The following NID1 variants were observed in gnomAD, a reference collection of about 807,000 sequenced individuals.
NID1 encodes nidogen 1.
Under a neutral mutation model 130.6 loss-of-function variants are expected in NID1, and 76 were observed. The ratio of observed to expected loss-of-function variants is 0.58; its 90% CI spans 0.48 to 0.70. The LOEUF (loss-of-function observed/expected upper bound fraction) is 0.70. Ranked by LOEUF, NID1 falls within the 30% of genes least tolerant of loss-of-function variation. NID1 has a pLI of 0.00. For missense variants in NID1, 1,517 were observed against 1,664.8 expected (o/e 0.91, Z 1.54); for synonymous variants, 665 against 675.1 (o/e 0.98, Z 0.23).
intron 11 of NID1, 61 bp downstream of exon 11, chr1:236,013,350 A>G: frequency 6.3e-7 from 1 of 1,584,196 alleles, no homozygotes; most frequent in Non-Finnish European, 8.6e-7. Context: ...GGCACATGAC[A>G]GGTACCACCT....
At chr1:235,980,757 G>T in intron 16 of NID1, 104 bp from the exon 17 acceptor site, 2 of 1,225,624 alleles carry the variant, frequency 1.6e-6, no homozygotes, top group Non-Finnish European at 2.3e-6. Context: ...GTGATTGGCA[G>T]ACATGAAAAC....
At chr1:236,049,486 GAA>G (rs991648420) in intron 1 of NID1, among the ~76,000 whole-genome samples, 1 of 151,662 alleles carries the variant, frequency 6.6e-6, no homozygotes, top group African/African-American at 2.4e-5. Context: ...TCTCAAAAAA[GAA>G]AAAGAAAGAA....
intron 9 of NID1, 78 bp downstream of exon 9, chr1:236,023,992 T>C (rs1437969498): frequency 5.7e-6 from 9 of 1,572,298 alleles, no homozygotes; most frequent in Non-Finnish European, 6.9e-6. Context: ...CTGCACCCAG[T>C]TCTCTGGTTT....
intron 8 of NID1, among the ~76,000 whole-genome samples, chr1:236,024,490 T>C (rs1035002847): frequency 1.3e-4 from 20 of 152,356 alleles, no homozygotes; most frequent in African/African-American, 4.6e-4. Flanking sequence ...AGCTGACATG[T>C]CGTGATAGAG....
chr1:236,041,800 T>C (rs1659459426), intron 4 of NID1, 110 bp downstream of exon 4: 2 of 1,395,086 alleles, frequency 1.4e-6, no homozygotes, highest in Admixed American at 4.6e-5. Context: ...CAAGCTCTTA[T>C]CTTTACAAAC....
intron 14 of NID1, among the ~76,000 whole-genome samples, chr1:235,987,380 A>G (rs1406407109): frequency 6.6e-6 from 1 of 152,220 alleles, no homozygotes; most frequent in Non-Finnish European, 1.5e-5. Flanking sequence ...TTTTAAAACT[A>G]TAGGAATTCA....
chr1:236,054,452 A>G (rs1371998721), intron 1 of NID1, among the ~76,000 whole-genome samples: 1 of 152,144 alleles, frequency 6.6e-6, no homozygotes, highest in Non-Finnish European at 1.5e-5. Flanking sequence ...GCAAAACTCC[A>G]TCTCAAAACA....
rs762185902 is a variant in NID1 at position 235,981,684 on chromosome 1, C to T, written c.3154G>A (p.Gly1052Ser). ...LDRIEVAKLD[G>S]TQRRVLFETD... ...TCAAAGAGCACCCGGCGCTGCGTGC[C>T]GTCCAGCTTCGCCACTTCTATTCGA... is the stretch of plus-strand genomic sequence containing the variant. Residue 1052 changes from glycine (G) to serine (S), a missense_variant, in exon 16 of 20, where the codon GGC (glycine) becomes AGC (serine). By Grantham distance (56) the Gly-to-Ser change is moderately conservative (BLOSUM62 0). Transcript: ENST00000264187. 8 of 1,614,138 alleles carry T rather than the reference C, an allele frequency of 5.0e-6. No homozygotes were observed. Among genetic ancestry groups the T allele is most frequent in the East Asian group, 2.2e-5 (1 of 44,898 alleles).
intron 8 of NID1, among the ~76,000 whole-genome samples, chr1:236,025,263 CTTT>C (rs750410998): frequency 3.2e-5 from 4 of 123,730 alleles, no homozygotes; most frequent in Admixed American, 8.6e-5. Flanking sequence ...TACAATTTCT[CTTT>C]TTTTTTTTTT....
rs201692355 is a variant in NID1, at chr1:235,979,813, C to A, written c.3509+9G>T. On this transcript the variant is annotated intron_variant, in intron 18 of 19. Transcript: ENST00000264187. This position sits in a 1 kb window ranked among gnomAD's most constrained non-coding sequence, Gnocchi z 4.6. ...GCCCACGCAGCCCCCATGGCTACAG[C>A]TGACGTACATCTTCCAGTCTGTGAA... The A allele has an allele frequency of 1.9e-6, 3 of 1,613,344 alleles. No homozygotes were observed. In the Admixed American group the frequency reaches 5.0e-5, roughly 27 times the overall value.
At chr1:236,030,455 T>G (rs1440609927) in intron 6 of NID1, among the ~76,000 whole-genome samples, 1 of 152,130 alleles carries the variant, frequency 6.6e-6, no homozygotes, top group African/African-American at 2.4e-5. Context: ...GTCTTTACAT[T>G]TTTTAATGGT....
chr1:236,027,356 G>T (rs984597518), intron 7 of NID1, among the ~76,000 whole-genome samples: 3 of 152,256 alleles, frequency 2.0e-5, no homozygotes, highest in African/African-American at 7.2e-5. Flanking sequence ...AGTGTAAGCT[G>T]CCTCCTGTCC....
chr1:236,032,686 C>T (rs1659134610), intron 5 of NID1, 34 bp from the exon 6 acceptor site: 5 of 1,609,044 alleles, frequency 3.1e-6, no homozygotes, highest in Non-Finnish European at 4.2e-6. Context: ...ATATAGAGAT[C>T]ACTTCCAAGC....
At chr1:236,026,866 G>A (rs955929184) in intron 7 of NID1, among the ~76,000 whole-genome samples, 1 of 151,628 alleles carries the variant, frequency 6.6e-6, no homozygotes, top group South Asian at 2.1e-4. Flanking sequence ...AGCCTCCCAA[G>A]TAGCTGGGAC....
chr1:235,981,880 A>G, intron 15 of NID1, 98 bp from the exon 16 acceptor site: 1 of 1,129,374 alleles, frequency 8.9e-7, no homozygotes, highest in African/African-American at 1.6e-5. Flanking sequence ...ATGGTGTCCA[A>G]TCCCTGCACT....
intron 6 of NID1, among the ~76,000 whole-genome samples, chr1:236,031,289 T>G (rs527492032): frequency 1.3e-5 from 2 of 152,156 alleles, no homozygotes; most frequent in Non-Finnish European, 2.9e-5. Context: ...TGGCTAATTT[T>G]TTGTATTTTT....
chr1:236,027,635 C>A (rs191155337), intron 7 of NID1, among the ~76,000 whole-genome samples: 1 of 152,288 alleles, frequency 6.6e-6, no homozygotes, highest in Admixed American at 6.5e-5. Flanking sequence ...TCGAGACCAG[C>A]CTGGGCAACA....
chr1:236,061,571 T>G (rs572936292), intron 1 of NID1, among the ~76,000 whole-genome samples: 1 of 152,212 alleles, frequency 6.6e-6, no homozygotes, highest in African/African-American at 2.4e-5. Flanking sequence ...GCTCAAGAGA[T>G]TCTCCTGCCT....
chr1:235,980,015 A>T (rs938436463), intron 17 of NID1, 70 bp from the exon 18 acceptor site: 3 of 1,539,950 alleles, frequency 1.9e-6, no homozygotes, highest in Admixed American at 3.4e-5. Flanking sequence ...AAAAAACAAG[A>T]GTAATGAGGG....
Sources: gnomAD v4.1 joint callset for allele counts (sites outside exome capture counted in the v4.1 genomes callset) on GRCh38, gnomAD v4.1.1 for gene constraint, Gnocchi (gnomAD v3.1) non-coding constraint, MANE v1.5 for transcripts, NCBI Gene and HGNC (gene_info 2026-07-23, HGNC 2026-07-21) for gene names.